Variants in LMNTD1 observed in about 807,000 individuals in gnomAD.
The protein encoded by LMNTD1 is lamin tail domain containing 1.
A neutral mutation model predicts 50.9 loss-of-function variants in LMNTD1; 35 were observed. That is an observed-to-expected ratio of 0.69 (90% CI 0.53 to 0.91). LMNTD1 has a LOEUF of 0.91. Ranked by LOEUF, LMNTD1 falls within the 40% of genes least tolerant of loss-of-function variation. The probability of loss-of-function intolerance (pLI) is 0.00; values close to 1 mark genes in which losing one functional copy is unlikely to be tolerated. For synonymous variants in LMNTD1, 153 were observed against 161.9 expected (o/e 0.94, Z 0.42); for missense variants, 470 against 475.5 (o/e 0.99, Z 0.11).
intron 1 of LMNTD1, among the ~76,000 whole-genome samples, chr12:25,644,906 C>T (rs1042791104): frequency 1.3e-5 from 2 of 152,126 alleles, no homozygotes; most frequent in Non-Finnish European, 2.9e-5. Context: ...TGAAGGCACT[C>T]TTGTCCAATA....
At chr12:25,635,525 G>T (rs1455453669) in intron 1 of LMNTD1, among the ~76,000 whole-genome samples, 1 of 152,232 alleles carries the variant, frequency 6.6e-6, no homozygotes, top group Non-Finnish European at 1.5e-5. Context: ...GCTCATGGAT[G>T]GATAGAATCA....
intron 4 of LMNTD1, among the ~76,000 whole-genome samples, chr12:25,527,399 A>C (rs1052282967): frequency 3.3e-5 from 5 of 151,676 alleles, no homozygotes; most frequent in Non-Finnish European, 5.9e-5. Flanking sequence ...TAAAAACTTT[A>C]AATAAACATA....
chr12:25,479,094 G>A lies in LMNTD1; in HGVS notation c.*23-2634C>T, dbSNP rs144908103. 3.8e-3 allele frequency among the ~76,000 whole-genome samples: 585 copies of A among 152,058 alleles called. 3 individuals carry two copies. Among genetic ancestry groups the A allele is most frequent in the Non-Finnish European group, 5.8e-3 (395 of 67,964 alleles). The stretch of plus-strand genomic sequence containing the variant: ...TAAACTGATTTCATTTTGATAGCTC[G>A]AGTCAATCACCCCAGCCAACACTGT... On this transcript the variant is annotated intron_variant, in intron 9 of 9. Transcript: ENST00000458174.
chr12:25,549,619 C>CTAT (rs1943642032), intron 2 of LMNTD1, 73 bp from the exon 3 acceptor site: 1 of 765,870 alleles, frequency 1.3e-6, no homozygotes, highest in Non-Finnish European at 2.0e-6. Context: ...GAAGCATGGG[C>CTAT]TATTATTATT....
intron 1 of LMNTD1, among the ~76,000 whole-genome samples, chr12:25,558,347 T>C (rs1944125426): frequency 6.6e-6 from 1 of 152,208 alleles, no homozygotes; most frequent in African/African-American, 2.4e-5. Context: ...TTCTAGTTCT[T>C]CAGATGCATC....
chr12:25,608,431 T>C (rs937585875), intron 1 of LMNTD1, among the ~76,000 whole-genome samples: 1 of 152,214 alleles, frequency 6.6e-6, no homozygotes, highest in Non-Finnish European at 1.5e-5. Context: ...CTAGCATCGA[T>C]GGTCTTTACA....
In LMNTD1 at chr12:25,549,413, G is replaced by A. The variant is rs779637082; in HGVS notation, c.223C>T (p.Gln75Ter). 15 of 1,612,810 alleles carry A rather than the reference G, an allele frequency of 9.3e-6. No individual in the cohort carries two copies. In the South Asian group the frequency reaches 1.4e-4, roughly 15 times the overall value. The change falls in exon 3 of 10, where the codon CAG becomes TAG. Residue 75 changes from glutamine to a stop codon, truncating the protein, a stop_gained. Transcript: ENST00000458174. LOFTEE classifies it high-confidence loss of function. ...MPLGYYLSSP[Q>*]ISRVTISTTG... ...GTTGATATAGTTACTCTACTAATCTGAGGACTAGACAGATAGTAACCAAGA... is the reference window on the plus strand; with the variant it reads ...GTTGATATAGTTACTCTACTAATCTAAGGACTAGACAGATAGTAACCAAGA...
intron 1 of LMNTD1, among the ~76,000 whole-genome samples, chr12:25,589,533 A>G (rs1414033076): frequency 6.6e-6 from 1 of 152,172 alleles, no homozygotes; most frequent in Non-Finnish European, 1.5e-5. Flanking sequence ...TTTGTTTCTT[A>G]AGCTGGGTGG....
chr12:25,544,891 T>C lies in LMNTD1; in HGVS notation c.491+1483A>G, dbSNP rs571028398. Among the ~76,000 whole-genome samples, 333 of 151,928 alleles carry C rather than the reference T, an allele frequency of 2.2e-3. 4 individuals are homozygous for C. The highest frequency in any genetic ancestry group is 3.1e-4 in the Non-Finnish European group (21 of 67,770). The stretch of plus-strand genomic sequence containing the variant: ...GAACTCCATCCTTCCATATTTTGAC[T>C]GTTAGTTTTCTCAATTTACGTATTT... On this transcript the variant is annotated intron_variant, in intron 4 of 9. Coordinates refer to ENST00000458174, the MANE Select transcript of LMNTD1 (RefSeq NM_001145728.2).
intron 4 of LMNTD1, among the ~76,000 whole-genome samples, chr12:25,529,976 C>G (rs943497833): frequency 6.6e-6 from 1 of 152,116 alleles, no homozygotes; most frequent in African/African-American, 2.4e-5. Context: ...ATACTATTTC[C>G]TCTTCTTGTT....
At chr12:25,642,100 A>C (rs1400159700) in intron 1 of LMNTD1, among the ~76,000 whole-genome samples, 1 of 152,158 alleles carries the variant, frequency 6.6e-6, no homozygotes, top group Non-Finnish European at 1.5e-5. Context: ...AGTGGAATGA[A>C]TTTTATGATT....
intron 4 of LMNTD1, among the ~76,000 whole-genome samples, chr12:25,533,139 A>G (rs1190473694): frequency 1.3e-5 from 2 of 152,216 alleles, no homozygotes; most frequent in Admixed American, 1.3e-4. Context: ...TCCATATCAG[A>G]GCACTTTATT....
intron 8 of LMNTD1, among the ~76,000 whole-genome samples, chr12:25,506,437 T>C (rs1565947508): frequency 2.0e-5 from 3 of 152,176 alleles, no homozygotes; most frequent in South Asian, 4.1e-4. Flanking sequence ...TACATTAAAC[T>C]GAATATGCTC....
chr12:25,540,627 T>G (rs1942995187), intron 4 of LMNTD1, among the ~76,000 whole-genome samples: 1 of 140,552 alleles, frequency 7.1e-6, no homozygotes, highest in Non-Finnish European at 1.6e-5. Context: ...TCATACTGAA[T>G]GGGCAAAAAC....
intron 1 of LMNTD1, among the ~76,000 whole-genome samples, chr12:25,589,254 A>G (rs1389765134): frequency 6.6e-6 from 1 of 152,196 alleles, no homozygotes; most frequent in Non-Finnish European, 1.5e-5. Flanking sequence ...ACACACCTAC[A>G]TGAATGAATC....
At chr12:25,613,710 G>GA (rs1592105294) in intron 1 of LMNTD1, among the ~76,000 whole-genome samples, 1 of 152,056 alleles carries the variant, frequency 6.6e-6, no homozygotes, top group East Asian at 1.9e-4. Flanking sequence ...TAGCTTATTA[G>GA]AAAAAATATT....
At chr12:25,521,325 T>C (rs1211687594) in intron 6 of LMNTD1, among the ~76,000 whole-genome samples, 1 of 152,202 alleles carries the variant, frequency 6.6e-6, no homozygotes, top group Non-Finnish European at 1.5e-5. Flanking sequence ...TCCCCTATGT[T>C]CTTTCCCAGC....
At chr12:25,610,341 G>A (rs902072247) in intron 1 of LMNTD1, among the ~76,000 whole-genome samples, 1 of 152,060 alleles carries the variant, frequency 6.6e-6, no homozygotes, top group Non-Finnish European at 1.5e-5. Flanking sequence ...TCTGTGGGCT[G>A]CACCCACTTT....
chr12:25,616,407 T>C (rs1946354999), intron 1 of LMNTD1, among the ~76,000 whole-genome samples: 3 of 152,114 alleles, frequency 2.0e-5, no homozygotes, highest in Admixed American at 2.0e-4. Flanking sequence ...CTCCAAAGAA[T>C]TATGTTGAGT....
Sources: allele counts gnomAD v4.1 joint callset (sites outside exome capture counted in the v4.1 genomes callset), GRCh38; gene constraint gnomAD v4.1.1; transcripts MANE v1.5; gene names NCBI Gene and HGNC (gene_info 2026-07-23, HGNC 2026-07-21).